Variants in EIPR1 observed in about 807,000 individuals in gnomAD.
The protein encoded by EIPR1 is EARP and GARP complex-interacting protein 1.
A neutral mutation model predicts 48.1 loss-of-function variants in EIPR1; 25 were observed. The observed-to-expected ratio is 0.52, with a 90% CI of 0.38 to 0.73. The LOEUF is 0.73. Among genes scored for constraint, EIPR1 ranks in the 30% least tolerant of loss-of-function variants. The pLI, the probability that EIPR1 is intolerant of heterozygous loss-of-function variation, is 0.00. For synonymous variants in EIPR1, 204 were observed against 201.9 expected, an observed-to-expected ratio of 1.01 and a Z score of -0.09; for missense variants, 415 against 506.2, an observed-to-expected ratio of 0.82 and a Z score of 1.73.
chr2:3,325,633 G>A (rs1669671145), intron 3 of EIPR1, among the ~76,000 whole-genome samples: 2 of 152,188 alleles, frequency 1.3e-5, no homozygotes, highest in African/African-American at 4.8e-5. Context: ...ATATCCTACT[G>A]TGACAGCATC....
intron 4 of EIPR1, among the ~76,000 whole-genome samples, chr2:3,249,141 AAAAG>A (rs1191319964): frequency 1.3e-5 from 2 of 152,230 alleles, no homozygotes; most frequent in African/African-American, 2.4e-5. Flanking sequence ...AGGGCTCAGA[AAAAG>A]AAAGCAAGAT....
chr2:3,361,489 T>C (rs1158431484), intron 1 of EIPR1, among the ~76,000 whole-genome samples: 6 of 149,292 alleles, frequency 4.0e-5, no homozygotes, highest in Admixed American at 2.0e-4. Flanking sequence ...AAAAAAAAAC[T>C]GTCTTTGACT....
At chr2:3,356,642 T>C (rs1267543382) in intron 1 of EIPR1, among the ~76,000 whole-genome samples, 14 of 152,250 alleles carry the variant, frequency 9.2e-5, no homozygotes, top group Non-Finnish European at 1.9e-4. Context: ...AAAGGGACTC[T>C]GCTGATGTGC....
intron 4 of EIPR1, among the ~76,000 whole-genome samples, chr2:3,246,877 G>A (rs1572350900): frequency 1.6e-5 from 1 of 63,626 alleles, no homozygotes; most frequent in Non-Finnish European, 3.2e-5. Flanking sequence ...AGGAGGGAGG[G>A]AGGGAGGGAG....
intron 7 of EIPR1, 66 bp downstream of exon 7, chr2:3,193,933 G>T: frequency 6.4e-7 from 1 of 1,566,016 alleles, no homozygotes; most frequent in Non-Finnish European, 8.7e-7. Flanking sequence ...TTTCCCAATG[G>T]TAAAGTAATT....
intron 2 of EIPR1, among the ~76,000 whole-genome samples, chr2:3,342,479 C>CG (rs1273121530): frequency 6.6e-6 from 1 of 152,262 alleles, no homozygotes; most frequent in Non-Finnish European, 1.5e-5. Context: ...CAGGCGCAGC[C>CG]GGGGGCTTTC....
intron 2 of EIPR1, among the ~76,000 whole-genome samples, chr2:3,354,119 G>A (rs1479457862): frequency 2.0e-5 from 3 of 152,172 alleles, no homozygotes; most frequent in African/African-American, 7.2e-5. Flanking sequence ...TCCCCACCTG[G>A]ATCAAGGGGC....
intron 3 of EIPR1, among the ~76,000 whole-genome samples, chr2:3,337,389 C>A (rs1670098795): frequency 6.6e-6 from 1 of 152,214 alleles, no homozygotes; most frequent in Non-Finnish European, 1.5e-5. Context: ...AGAATTTGTT[C>A]TGGCTTACAT....
intron 1 of EIPR1, among the ~76,000 whole-genome samples, chr2:3,370,351 G>A (rs1391208184): frequency 2.6e-5 from 4 of 152,206 alleles, no homozygotes; most frequent in South Asian, 2.1e-4. Context: ...CCAAAGGAAC[G>A]CAGTCCCTCA....
At chr2:3,214,361 A>T (rs1055213354) in intron 4 of EIPR1, 113 bp from the exon 5 acceptor site, 3 of 911,390 alleles carry the variant, frequency 3.3e-6, no homozygotes, top group Non-Finnish European at 5.0e-6. Context: ...TCCGGCCTGT[A>T]GTCACTAGAG....
intron 4 of EIPR1, among the ~76,000 whole-genome samples, chr2:3,249,597 G>C (rs923897435): frequency 2.0e-5 from 3 of 152,166 alleles, no homozygotes; most frequent in African/African-American, 4.8e-5. Context: ...GAGGGCTGTG[G>C]AGCAACCACT....
At chr2:3,191,387 C>T (rs976465427) in intron 8 of EIPR1, among the ~76,000 whole-genome samples, 1 of 151,848 alleles carries the variant, frequency 6.6e-6, no homozygotes, top group African/African-American at 2.4e-5. Flanking sequence ...CAGATGGGCC[C>T]ATCCCCACTG....
intron 1 of EIPR1, among the ~76,000 whole-genome samples, chr2:3,373,658 A>G (rs1659770003): frequency 6.6e-6 from 1 of 152,226 alleles, no homozygotes; most frequent in South Asian, 2.1e-4. Context: ...ATACCTAGGA[A>G]TCCAACTTGC....
chr2:3,245,788 G>A (rs983768307), intron 4 of EIPR1, among the ~76,000 whole-genome samples: 6 of 152,216 alleles, frequency 3.9e-5, no homozygotes, highest in Non-Finnish European at 4.4e-5. Context: ...GGCCAGGTGC[G>A]GTGGCTCACA....
intron 4 of EIPR1, among the ~76,000 whole-genome samples, chr2:3,248,845 C>T (rs1442760924): frequency 6.6e-6 from 1 of 152,156 alleles, no homozygotes; most frequent in African/African-American, 2.4e-5. Context: ...CTATTCTCAC[C>T]ATGTGATGCA....
intron 3 of EIPR1, among the ~76,000 whole-genome samples, chr2:3,322,168 G>A (rs13410914): frequency 0.028 from 4,339 of 152,286 alleles, 207 homozygotes; most frequent in African/African-American, 0.1. Flanking sequence ...GGGCCTCCGT[G>A]GTGCCTTGGC....
At chr2:3,346,589 T>C (rs972649678) in intron 2 of EIPR1, among the ~76,000 whole-genome samples, 1 of 152,102 alleles carries the variant, frequency 6.6e-6, no homozygotes, top group African/African-American at 2.4e-5. Flanking sequence ...GTCAAGGAAT[T>C]TGGAGAAAAA....
chr2:3,237,675 T>C (rs570659289), intron 4 of EIPR1, among the ~76,000 whole-genome samples: 1 of 152,278 alleles, frequency 6.6e-6, no homozygotes, highest in South Asian at 2.1e-4. Context: ...TGGAACGCGC[T>C]GAGAGGCAAG....
At chr2:3,313,432 A>AG (rs35036638) in intron 3 of EIPR1, among the ~76,000 whole-genome samples, 78,360 of 151,796 alleles carry the variant, frequency 0.52, 21,660 homozygotes, top group East Asian at 0.78. Context: ...GCAGGAGACG[A>AG]GGTCAAAAGG....
Sources: gnomAD v4.1 joint callset for allele counts (sites outside exome capture counted in the v4.1 genomes callset) on GRCh38, gnomAD v4.1.1 for gene constraint, MANE v1.5 for transcripts, NCBI Gene and HGNC (gene_info 2026-07-23, HGNC 2026-07-21) for gene names.